The following RPA1 variants were observed in gnomAD, a reference collection of about 807,000 sequenced individuals.
RPA1 encodes replication protein A1, also known as replication protein A 70 kDa DNA-binding subunit.
RPA1 carries 49 observed loss-of-function variants against 83.0 expected under a neutral mutation model. That is an observed-to-expected ratio of 0.59 (90% CI 0.47 to 0.75). RPA1 has a LOEUF of 0.75. Ranked by LOEUF, RPA1 falls within the 30% of genes least tolerant of loss-of-function variation. The pLI is 0.00. For missense variants in RPA1, 693 were observed against 776.1 expected (o/e 0.89, Z 1.27); for synonymous variants, 279 against 281.8 (o/e 0.99, Z 0.10).
chr17:1,896,320 C>A (rs942488808), intron 16 of RPA1, among the ~76,000 whole-genome samples: 3 of 152,218 alleles, frequency 2.0e-5, no homozygotes, highest in Admixed American at 6.5e-5. Flanking sequence ...GTGCAGCCTT[C>A]CTGGGTATCA....
At chr17:1,862,526 CT>C (rs1310847906) in intron 5 of RPA1, among the ~76,000 whole-genome samples, 1 of 150,880 alleles carries the variant, frequency 6.6e-6, no homozygotes, top group East Asian at 2.0e-4. Flanking sequence ...TCAAGCTATC[CT>C]CATGCCTCAG....
chr17:1,858,765 A>G (rs771702922), intron 5 of RPA1, among the ~76,000 whole-genome samples: 1 of 151,824 alleles, frequency 6.6e-6, no homozygotes, highest in Non-Finnish European at 1.5e-5. Context: ...GTGCCAGCCA[A>G]ATGTGGGTAT....
chr17:1,887,071 A>G (rs1475482893), intron 13 of RPA1, among the ~76,000 whole-genome samples: 1 of 152,218 alleles, frequency 6.6e-6, no homozygotes, highest in South Asian at 2.1e-4. Flanking sequence ...TTGATATTCT[A>G]TCTAGACCAC....
chr17:1,831,386 G>A (rs746204741), intron 1 of RPA1, among the ~76,000 whole-genome samples: 5 of 151,884 alleles, frequency 3.3e-5, no homozygotes, highest in Admixed American at 6.6e-5. Context: ...TTGCCTCTGC[G>A]TAGATCTATC....
rs1011434402 is a variant in RPA1 at position 1,868,696 on chromosome 17, G to A, written c.362-3738G>A. On this transcript the variant is annotated intron_variant, in intron 5 of 16. Transcript: ENST00000254719. Reference sequence around the variant, plus strand: ...TGAGGTTGCAGTGAGTTGAGATCGCGCCACTGCCCTCCAGCTTGGGCAACA... The same window carrying A: ...TGAGGTTGCAGTGAGTTGAGATCGCACCACTGCCCTCCAGCTTGGGCAACA... 2.6e-5 allele frequency among the ~76,000 whole-genome samples: 4 copies of A among 152,014 alleles called. No individual in the cohort carries two copies. The East Asian group carries it at 5.8e-4, about 22-fold the overall frequency.
At chr17:1,892,010 C>CT in intron 15 of RPA1, 70 bp downstream of exon 15, 1 of 1,064,876 alleles carries the variant, frequency 9.4e-7, no homozygotes, top group Non-Finnish European at 1.3e-6. Context: ...TGACCCCACA[C>CT]ATTTTTTTTT....
At chr17:1,879,886 GGCATCTTGTCCTATAGGATGGGGCCT>G (rs1913718056) in intron 11 of RPA1, among the ~76,000 whole-genome samples, 187 bp downstream of exon 11, 1 of 149,942 alleles carries the variant, frequency 6.7e-6, no homozygotes. Context: ...TGGCGGAGGG[GGCATCTTGTCCTATAGGATGGGGCCT>G]TCAGCACACA....
chr17:1,860,423 G>A (rs1348804087), intron 5 of RPA1, among the ~76,000 whole-genome samples: 1 of 152,218 alleles, frequency 6.6e-6, no homozygotes, highest in African/African-American at 2.4e-5. Flanking sequence ...CTGAATTACA[G>A]GCATAAGCTA....
chr17:1,897,306 C>T lies in RPA1; in HGVS notation c.*131C>T, dbSNP rs5030740. On this transcript the variant is annotated 3_prime_UTR_variant, in exon 17 of 17. Coordinates refer to ENST00000254719, the MANE Select transcript of RPA1 (RefSeq NM_002945.5). ...CTTGATGGTGGACTAAGCAATTTCC[C>T]CCCTCGTGCGCATCTCAGAACCCAT... is the stretch of plus-strand genomic sequence containing the variant. 0.78 allele frequency: 526,490 copies of T among 675,836 alleles called. 207,667 individuals carry two copies. Among genetic ancestry groups the T allele is most frequent in the East Asian group, 0.83 (30,095 of 36,260 alleles). The allele number at this position is 675,836 out of a possible 1,614,324, so 41.9% of individuals were successfully genotyped here. A position where few individuals can be genotyped will look rare whatever the true frequency, so the allele number is the denominator to read the frequency against.
At chr17:1,872,377 T>G in intron 5 of RPA1, 57 bp from the exon 6 acceptor site, 1 of 1,587,374 alleles carries the variant, frequency 6.3e-7, no homozygotes, top group Non-Finnish European at 8.6e-7. Context: ...TACCCAAGTT[T>G]AAATCTCTTA....
At chr17:1,846,800 C>CT (rs1339869957) in intron 4 of RPA1, among the ~76,000 whole-genome samples, 1 of 152,028 alleles carries the variant, frequency 6.6e-6, no homozygotes, top group Non-Finnish European at 1.5e-5. Flanking sequence ...TTACTTTAAC[C>CT]TTTTTTCTGA....
In RPA1 at chr17:1,830,135, G is replaced by C; in HGVS notation, c.33+9G>C. The C allele has an allele frequency of 1.6e-6, 2 of 1,245,866 alleles. No individual in the cohort carries two copies. Among genetic ancestry groups the C allele is most frequent in the Non-Finnish European group, 2.0e-6 (2 of 987,822 alleles). The allele number at this position is 1,245,866 out of a possible 1,614,324, so 77.2% of individuals were successfully genotyped here. On this transcript the variant is annotated intron_variant, in intron 1 of 16. Coordinates refer to ENST00000254719, the MANE Select transcript of RPA1 (RefSeq NM_002945.5). The stretch of plus-strand genomic sequence containing the variant: ...GCGAGGGGGCCATTGCGGTGAGGAG[G>C]TGCCGGGGGCTGGGCCGGCGGTCCG...
chr17:1,888,300 A>G (rs1914068900), intron 13 of RPA1, among the ~76,000 whole-genome samples: 1 of 152,214 alleles, frequency 6.6e-6, no homozygotes, highest in Non-Finnish European at 1.5e-5. Context: ...TGTATTTCCT[A>G]GATCTGTGGC....
At chr17:1,843,598 C>CATCATT (rs140587406) in intron 2 of RPA1, among the ~76,000 whole-genome samples, 3 of 141,124 alleles carry the variant, frequency 2.1e-5, no homozygotes, top group African/African-American at 7.8e-5. Flanking sequence ...TTGGGTGCTT[C>CATCATT]ATTATTATTA....
At position 1,897,157 on chromosome 17, in the gene RPA1, G is replaced by A; in HGVS notation, c.1833G>A (p.Arg611=). 2 of 1,558,306 alleles carry A rather than the reference G, an allele frequency of 1.3e-6. No individual in the cohort carries two copies. Among genetic ancestry groups the A allele is most frequent in the Non-Finnish European group, 1.7e-6 (2 of 1,150,784 alleles). Residue 611 remains arginine, a synonymous_variant, in exon 17 of 17, where the codon AGG becomes AGA. Coordinates refer to ENST00000254719, the MANE Select transcript of RPA1 (RefSeq NM_002945.5). ...EYGRRLVMSI[R]RSALM Reference sequence around the variant, plus strand: ...GCCGAAGGCTGGTCATGAGCATCAGGAGAAGTGCATTGATGTGAGAGGAGC... The same window carrying A: ...GCCGAAGGCTGGTCATGAGCATCAGAAGAAGTGCATTGATGTGAGAGGAGC...
intron 4 of RPA1, among the ~76,000 whole-genome samples, chr17:1,851,200 A>G (rs1478200963): frequency 6.6e-6 from 1 of 151,992 alleles, no homozygotes; most frequent in Middle Eastern, 3.2e-3. Context: ...ACACTATCCC[A>G]TTTCACACCT....
chr17:1,843,251 G>A (rs1440129161), intron 2 of RPA1, among the ~76,000 whole-genome samples: 1 of 151,522 alleles, frequency 6.6e-6, no homozygotes, highest in Non-Finnish European at 1.5e-5. Context: ...TATTTAAGGG[G>A]TTCTCAAACT....
chr17:1,857,156 A>G (rs989601825), intron 5 of RPA1, among the ~76,000 whole-genome samples: 7 of 151,984 alleles, frequency 4.6e-5, no homozygotes, highest in African/African-American at 1.2e-4. Context: ...TTCATATTCA[A>G]TTCATAATAC....
At position 1,888,760 on chromosome 17, in the gene RPA1, A is replaced by G. The variant is rs1653007700; in HGVS notation, c.1460A>G (p.Asn487Ser). ...CAAGCCTGCCCGACTCAGGACTGCAATAAGAAAGTGATTGATCAACAGAAT... is the reference window on the plus strand; with the variant it reads ...CAAGCCTGCCCGACTCAGGACTGCAGTAAGAAAGTGATTGATCAACAGAAT... The part of the protein sequence containing the change: ...MYQACPTQDC[N>S]KKVIDQQNGL... The change falls in exon 14 of 17, where the codon AAT (asparagine) becomes AGT (serine). Residue 487 changes from asparagine to serine, a missense_variant. By Grantham distance (46) the Asn-to-Ser change is conservative. Transcript: ENST00000254719. 4 of 1,614,228 alleles carry G rather than the reference A, an allele frequency of 2.5e-6. No individual in the cohort carries two copies. The highest frequency in any genetic ancestry group is 2.2e-5 in the East Asian group (1 of 44,890).
Sources: gnomAD v4.1 joint callset for allele counts (sites outside exome capture counted in the v4.1 genomes callset) on GRCh38, gnomAD v4.1.1 for gene constraint, MANE v1.5 for transcripts, NCBI Gene and HGNC (gene_info 2026-07-23, HGNC 2026-07-21) for gene names.